CAMK4: variants seen among roughly 807,000 people sequenced by gnomAD.
CAMK4 encodes the protein calcium/calmodulin dependent protein kinase IV, also known as calcium/calmodulin-dependent protein kinase type IV.
In CAMK4, 22 loss-of-function variants were observed where a neutral mutation model predicts 44.9. The ratio of observed to expected loss-of-function variants is 0.49; its 90% CI spans 0.35 to 0.70. The LOEUF (loss-of-function observed/expected upper bound fraction) is 0.70, where lower values mean the gene tolerates loss of function less well. CAMK4 is among the 30% of genes least tolerant of loss of function. CAMK4 has a pLI of 0.01. For missense variants in CAMK4, 498 were observed against 586.8 expected, an observed-to-expected ratio of 0.85 and a Z score of 1.56; for synonymous variants, 218 against 215.4, an observed-to-expected ratio of 1.01 and a Z score of -0.11.
At chr5:111,373,302 A>G (rs1015940872) in intron 2 of CAMK4, among the ~76,000 whole-genome samples, 10 of 152,094 alleles carry the variant, frequency 6.6e-5, no homozygotes, top group African/African-American at 2.2e-4. Flanking sequence ...ACTCCTTAAG[A>G]TCTCCTTGTA....
chr5:111,273,094 G>C (rs1419831106), intron 1 of CAMK4, among the ~76,000 whole-genome samples: 1 of 152,038 alleles, frequency 6.6e-6, no homozygotes, highest in East Asian at 1.9e-4. Flanking sequence ...TGTCATGTTG[G>C]ACACATTATT....
intron 2 of CAMK4, among the ~76,000 whole-genome samples, chr5:111,360,820 G>C (rs1489963681): frequency 6.6e-6 from 1 of 152,014 alleles, no homozygotes; most frequent in Non-Finnish European, 1.5e-5. Context: ...AGAAAATCTA[G>C]ACTTCTACAT....
intron 1 of CAMK4, among the ~76,000 whole-genome samples, chr5:111,310,410 A>C (rs1748149932): frequency 6.6e-6 from 1 of 152,218 alleles, no homozygotes; most frequent in African/African-American, 2.4e-5. Context: ...AAGTTCCGGC[A>C]CTAATGACAA....
intron 1 of CAMK4, among the ~76,000 whole-genome samples, chr5:111,330,196 A>G (rs1749104701): frequency 6.6e-6 from 1 of 151,552 alleles, no homozygotes; most frequent in African/African-American, 2.4e-5. Context: ...TTGTATTTAT[A>G]TATATTAGAA....
intron 5 of CAMK4, among the ~76,000 whole-genome samples, chr5:111,442,895 T>C (rs1416174181): frequency 6.7e-6 from 1 of 150,166 alleles, no homozygotes; most frequent in Non-Finnish European, 1.5e-5. Context: ...TTTAATTTAT[T>C]AATTTAATTT....
At chr5:111,366,808 G>A (rs952186361) in intron 2 of CAMK4, among the ~76,000 whole-genome samples, 1 of 151,830 alleles carries the variant, frequency 6.6e-6, no homozygotes, top group African/African-American at 2.4e-5. Context: ...TGAGTGTCAT[G>A]GAGTCTTGAA....
Position 111,344,065 on chromosome 5 carries a change from C to T in CAMK4, c.203C>T (p.Thr68Ile), listed in dbSNP as rs1749762209. The T allele has an allele frequency of 6.2e-7, 1 of 1,607,546 alleles. No individual in the cohort carries two copies. The highest frequency in any genetic ancestry group is 2.2e-5 in the East Asian group (1 of 44,754). ...GTGTACAGATGCAAACAGAAGGGGACCCAGAAGCCTTATGCTCTCAAAGTG... is the reference window on the plus strand; with the variant it reads ...GTGTACAGATGCAAACAGAAGGGGATCCAGAAGCCTTATGCTCTCAAAGTG... ...SIVYRCKQKG[T>I]QKPYALKVLK... Residue 68 changes from threonine (T) to isoleucine (I), a missense_variant, in exon 2 of 11, where the codon ACC becomes ATC. Thr to Ile is a moderately conservative substitution (Grantham distance 89). This residue lies in a region of CAMK4 where 152 missense variants were observed against 143.7 expected (regional missense o/e 1.06). Transcript: ENST00000282356.
At chr5:111,443,309 C>CTATATAT (rs1356568258) in intron 5 of CAMK4, among the ~76,000 whole-genome samples, 4 of 128,684 alleles carry the variant, frequency 3.1e-5, no homozygotes, top group East Asian at 2.2e-4. Context: ...CACACACACA[C>CTATATAT]ACACACTATA....
rs763135108 is a variant in CAMK4, at chr5:111,233,523, C to T, written c.161+8879C>T. ...GGGCGTGAAAGTTAAATTTCCATAC[C>T]GTGAACAATGTTCATATCAAAAGAC... On this transcript the variant is annotated intron_variant, in intron 1 of 10. Transcript: ENST00000282356. Among the ~76,000 whole-genome samples, 16 of 152,210 alleles carry T rather than the reference C, an allele frequency of 1.1e-4. No homozygotes were observed. The Middle Eastern group carries it at 0.01, about 97-fold the overall frequency.
intron 5 of CAMK4, among the ~76,000 whole-genome samples, chr5:111,420,922 A>G (rs1027119795): frequency 7.9e-5 from 12 of 152,170 alleles, no homozygotes; most frequent in African/African-American, 2.9e-4. Flanking sequence ...TAATGCAATT[A>G]TTACAGGGTC....
intron 5 of CAMK4, among the ~76,000 whole-genome samples, chr5:111,446,163 A>C (rs1754021051): frequency 6.6e-6 from 1 of 152,240 alleles, no homozygotes; most frequent in South Asian, 2.1e-4. Flanking sequence ...CTATGAGTGC[A>C]TCCATCATTA....
In CAMK4 at chr5:111,449,192, C is replaced by T; in HGVS notation, c.614C>T (p.Pro205Leu). 1 of 1,527,648 alleles carries T rather than the reference C, an allele frequency of 6.5e-7. No individual in the cohort carries two copies. Among genetic ancestry groups the T allele is most frequent in the South Asian group, 1.1e-5 (1 of 87,044 alleles). 94.6% of individuals were successfully genotyped at this position (1,527,648 alleles called of 1,614,324 possible). Residue 205 changes from proline to leucine, a missense_variant, in exon 7 of 11, where the codon CCA (proline) becomes CTA (leucine). Physicochemically the swap from Pro to Leu is moderately conservative, Grantham distance 98 (BLOSUM62 -3). This residue lies in a region of CAMK4 where 203 missense variants were observed against 298.2 expected (regional missense o/e 0.68). Coordinates refer to ENST00000282356, the MANE Select transcript of CAMK4 (RefSeq NM_001744.6). ...QVLMKTVCGT[P>L]GYCAPEILRG... ...CTCATGAAGACAGTATGTGGAACCC[C>T]AGGGTACTGCGGTATGCTCTTTAAT...
chr5:111,449,532 T>C, intron 7 of CAMK4: 1 of 169,618 alleles, frequency 5.9e-6, no homozygotes, highest in Non-Finnish European at 1.3e-5. Flanking sequence ...ATGGGCCCTT[T>C]GTCACTTTTC....
chr5:111,241,107 GAAT>G (rs1010422584), intron 1 of CAMK4, among the ~76,000 whole-genome samples: 6 of 150,696 alleles, frequency 4.0e-5, no homozygotes, highest in African/African-American at 9.8e-5. Flanking sequence ...ATTTTTATTT[GAAT>G]AATAATAATT....
In CAMK4 at chr5:111,482,887, G is replaced by T; in HGVS notation, c.931G>T (p.Asp311Tyr). ...TGKAANFVHM[D>Y]TAQKKLQEFN... ...TAAAGCAGCCAATTTTGTACACATG[G>T]ATACCGCTCAAAAGAAGCTCCAAGA... Residue 311 changes from aspartate (D) to tyrosine (Y), a missense_variant, in exon 10 of 11, where the codon GAT becomes TAT. Asp to Tyr is a radical substitution (Grantham distance 160). Coordinates refer to ENST00000282356, the MANE Select transcript of CAMK4 (RefSeq NM_001744.6). The surrounding 1 kb of genome is among the most constrained non-coding windows in gnomAD (Gnocchi z 4.9). 6.2e-7 allele frequency: 1 copy of T among 1,613,114 alleles called. No homozygotes were observed. Among genetic ancestry groups the T allele is most frequent in the Non-Finnish European group, 8.5e-7 (1 of 1,179,574 alleles).
At chr5:111,465,909 T>C (rs1754810659) in intron 7 of CAMK4, among the ~76,000 whole-genome samples, 1 of 152,068 alleles carries the variant, frequency 6.6e-6, no homozygotes, top group Non-Finnish European at 1.5e-5. Flanking sequence ...AAGAAAACTA[T>C]AGATCAATAT....
rs758873014 is a variant in CAMK4 at position 111,290,172 on chromosome 5, C to T, written c.162-53852C>T. 9.2e-5 allele frequency among the ~76,000 whole-genome samples: 14 copies of T among 152,188 alleles called. 1 individual carries two copies. Among genetic ancestry groups the T allele is most frequent in the East Asian group, 3.9e-4 (2 of 5,156 alleles). ...CATAAACCCTGTTTTGGAGTATAGA[C>T]GCCTGCTCCCCTACCCATAAAAATT... On this transcript the variant is annotated intron_variant, in intron 1 of 10. Transcript: ENST00000282356. This position sits in a 1 kb window ranked among gnomAD's most constrained non-coding sequence, Gnocchi z 4.5.
intron 2 of CAMK4, chr5:111,364,890 T>C (rs1750733476): frequency 6.6e-6 from 1 of 152,150 alleles, no homozygotes; most frequent in South Asian, 2.1e-4. Flanking sequence ...CAGTGTTAAA[T>C]GTAATATGGA....
chr5:111,242,833 T>C (rs899537351), intron 1 of CAMK4, among the ~76,000 whole-genome samples: 3 of 146,672 alleles, frequency 2.0e-5, no homozygotes, highest in African/African-American at 7.6e-5. Context: ...GCCCCCTCAC[T>C]CCACGCCCCC....
Sources: gnomAD v4.1 joint callset for allele counts (sites outside exome capture counted in the v4.1 genomes callset) on GRCh38, gnomAD v4.1.1 for gene constraint, gnomAD v4.1.1 regional missense constraint, Gnocchi (gnomAD v3.1) non-coding constraint, MANE v1.5 for transcripts, NCBI Gene and HGNC (gene_info 2026-07-23, HGNC 2026-07-21) for gene names.